TRAPPC9: variants seen among roughly 807,000 people sequenced by gnomAD.
TRAPPC9 encodes IKK2 binding protein.
TRAPPC9 carries 83 observed loss-of-function variants against 124.0 expected under a neutral mutation model. The observed-to-expected ratio is 0.67, with a 90% CI of 0.56 to 0.80. TRAPPC9 has a LOEUF of 0.80. TRAPPC9 is among the 30% of genes least tolerant of loss of function. TRAPPC9 has a pLI of 0.00. For missense variants in TRAPPC9, 1,302 were observed against 1,508.3 expected (o/e 0.86, Z 2.27); for synonymous variants, 638 against 617.5 (o/e 1.03, Z -0.49).
intron 21 of TRAPPC9, among the ~76,000 whole-genome samples, chr8:139,884,293 G>A (rs1043975919): frequency 6.6e-6 from 1 of 151,946 alleles, no homozygotes; most frequent in Non-Finnish European, 1.5e-5. Context: ...TCTCCCCCAG[G>A]GCTCTGCTCC....
At chr8:140,271,388 C>T (rs2064874977) in intron 15 of TRAPPC9, among the ~76,000 whole-genome samples, 1 of 152,154 alleles carries the variant, frequency 6.6e-6, no homozygotes, top group African/African-American at 2.4e-5. Flanking sequence ...TTAAGAACTT[C>T]TGTTCATCCA....
intron 21 of TRAPPC9, among the ~76,000 whole-genome samples, chr8:139,883,908 C>T (rs1341309653): frequency 1.3e-5 from 2 of 152,144 alleles, no homozygotes; most frequent in African/African-American, 4.8e-5. Context: ...ACCTCACTCA[C>T]GGGACTGTGG....
chr8:140,453,055 T>C (rs558522806), intron 1 of TRAPPC9, among the ~76,000 whole-genome samples: 1 of 152,318 alleles, frequency 6.6e-6, no homozygotes, highest in South Asian at 2.1e-4. Context: ...TTCTGACAAA[T>C]GCACATGGAG....
intron 17 of TRAPPC9, among the ~76,000 whole-genome samples, chr8:140,071,273 C>T (rs1436706610): frequency 2.0e-5 from 3 of 152,192 alleles, no homozygotes; most frequent in Admixed American, 2.0e-4. Context: ...CTGCTGGAGG[C>T]CAGGAACCTC....
chr8:140,359,216 G>A (rs1016835529), intron 9 of TRAPPC9, among the ~76,000 whole-genome samples: 12 of 152,058 alleles, frequency 7.9e-5, no homozygotes, highest in Non-Finnish European at 1.2e-4. Flanking sequence ...TCCCTTCTAC[G>A]GGGCTGATCC....
intron 19 of TRAPPC9, among the ~76,000 whole-genome samples, chr8:139,968,879 T>C (rs541850272): frequency 1.3e-4 from 20 of 152,216 alleles, no homozygotes; most frequent in Non-Finnish European, 2.4e-4. Flanking sequence ...GGAAGGACTC[T>C]AACCCCCGTC....
chr8:139,923,526 C>T (rs1832632858), intron 19 of TRAPPC9, among the ~76,000 whole-genome samples: 1 of 152,204 alleles, frequency 6.6e-6, no homozygotes, highest in Non-Finnish European at 1.5e-5. Context: ...CTCCACCTGG[C>T]TAACCTCATC....
intron 17 of TRAPPC9, among the ~76,000 whole-genome samples, chr8:140,129,061 A>C (rs903087824): frequency 6.6e-6 from 1 of 150,722 alleles, no homozygotes; most frequent in Non-Finnish European, 1.5e-5. Flanking sequence ...AATGAGGTTG[A>C]TTTTCATGGG....
intron 22 of TRAPPC9, among the ~76,000 whole-genome samples, chr8:139,731,695 C>T (rs1252403496): frequency 2.6e-5 from 4 of 152,104 alleles, no homozygotes; most frequent in African/African-American, 9.7e-5. Context: ...AGGGTCCAAT[C>T]ATGGAGCAGC....
At chr8:140,090,355 C>T (rs960598265) in intron 17 of TRAPPC9, among the ~76,000 whole-genome samples, 4 of 152,148 alleles carry the variant, frequency 2.6e-5, no homozygotes, top group Admixed American at 1.3e-4. Flanking sequence ...TCCTACCGCA[C>T]GCCACACCTG....
Position 139,755,946 on chromosome 8 carries a change from C to T in TRAPPC9, c.3056-23744G>A, listed in dbSNP as rs556233892. Among the ~76,000 whole-genome samples, 5 of 126,746 alleles carry T rather than the reference C, an allele frequency of 3.9e-5. No homozygotes were observed. In the South Asian group the frequency reaches 1.3e-3, roughly 34 times the overall value. The allele number at this position is 126,746 out of a possible 152,430, so 83.2% of individuals were successfully genotyped here. On this transcript the variant is annotated intron_variant, in intron 21 of 22. Coordinates refer to ENST00000438773, the MANE Select transcript of TRAPPC9 (RefSeq NM_001160372.4). ...GGGTTTGGGGATGAGGACCGCAGGT[C>T]GCAGGAGGAGCCAGGGTTTGGGGAT...
intron 20 of TRAPPC9, among the ~76,000 whole-genome samples, chr8:139,892,951 C>T (rs1396339030): frequency 2.6e-5 from 4 of 152,206 alleles, no homozygotes; most frequent in East Asian, 3.9e-4. Context: ...CAGTCCACAA[C>T]GACACCTACT....
At chr8:139,977,445 C>G (rs1315252980) in intron 19 of TRAPPC9, among the ~76,000 whole-genome samples, 2 of 151,664 alleles carry the variant, frequency 1.3e-5, no homozygotes, top group African/African-American at 4.8e-5. Context: ...GGTGAAACCC[C>G]GTCTCTAGTA....
At chr8:140,331,590 AGAATATAAAG>A (rs1325755088) in intron 9 of TRAPPC9, among the ~76,000 whole-genome samples, 3 of 151,966 alleles carry the variant, frequency 2.0e-5, no homozygotes, top group Non-Finnish European at 4.4e-5. Context: ...ACCAATGTCC[AGAATATAAAG>A]GAACTCAACA....
chr8:140,288,238 G>A (rs1400523384), intron 12 of TRAPPC9, among the ~76,000 whole-genome samples: 1 of 152,172 alleles, frequency 6.6e-6, no homozygotes, highest in African/African-American at 2.4e-5. Flanking sequence ...AACTACTTGG[G>A]AGACTGAGGT....
At chr8:140,189,008 T>C (rs2062417561) in intron 17 of TRAPPC9, among the ~76,000 whole-genome samples, 1 of 152,164 alleles carries the variant, frequency 6.6e-6, no homozygotes, top group Non-Finnish European at 1.5e-5. Context: ...ATCCACAACA[T>C]GGCCCAAATA....
At chr8:140,212,167 T>C (rs1811861001) in intron 17 of TRAPPC9, among the ~76,000 whole-genome samples, 1 of 152,226 alleles carries the variant, frequency 6.6e-6, no homozygotes, top group South Asian at 2.1e-4. Flanking sequence ...CAGATGCGGA[T>C]GGCTGGCCTC....
chr8:140,108,307 TTCA>T (rs1442834711), intron 17 of TRAPPC9, among the ~76,000 whole-genome samples: 18 of 152,348 alleles, frequency 1.2e-4, no homozygotes, highest in Non-Finnish European at 8.8e-5. Flanking sequence ...GGCACAGCCC[TTCA>T]TCACGTATCT....
intron 14 of TRAPPC9, among the ~76,000 whole-genome samples, chr8:140,278,100 A>T (rs1003316111): frequency 7.1e-6 from 1 of 141,200 alleles, no homozygotes; most frequent in African/African-American, 2.7e-5. Context: ...TTTTTTCAAG[A>T]CAGGGACAAA....
Sources: gnomAD v4.1 joint callset for allele counts (sites outside exome capture counted in the v4.1 genomes callset) on GRCh38, gnomAD v4.1.1 for gene constraint, MANE v1.5 for transcripts, NCBI Gene and HGNC (gene_info 2026-07-23, HGNC 2026-07-21) for gene names.